Variants in SGIP1 observed in about 807,000 individuals in gnomAD.
The protein encoded by SGIP1 is SH3GL interacting endocytic adaptor 1.
In SGIP1, 38 loss-of-function variants were observed where a neutral mutation model predicts 107.5. That is an observed-to-expected ratio of 0.35 (90% confidence interval 0.27 to 0.46). The LOEUF (loss-of-function observed/expected upper bound fraction) is 0.46, where lower values mean the gene tolerates loss of function less well. SGIP1 is among the 20% of genes least tolerant of loss of function. SGIP1 has a pLI of 1.00. For missense variants in SGIP1, 929 were observed against 1,019.5 expected, an observed-to-expected ratio of 0.91 and a Z score of 1.21; for synonymous variants, 365 against 366.1, an observed-to-expected ratio of 1.00 and a Z score of 0.03.
rs77926245 is a variant in SGIP1 at position 66,729,536 on chromosome 1, A to T, written c.1898+117A>T. On this transcript the variant is annotated intron_variant, in intron 20 of 24. Transcript: ENST00000371037. ...CTATAGTGAAATTACCACCACTCAGATATATTTGTAGATTCAAGCACAGAA... is the reference window on the plus strand; with the variant it reads ...CTATAGTGAAATTACCACCACTCAGTTATATTTGTAGATTCAAGCACAGAA... The T allele has an allele frequency of 1.6e-3, 2,036 of 1,299,752 alleles. 37 individuals are homozygous for T. The African/African-American group carries it at 0.027, about 17-fold the overall frequency. 80.5% of individuals were successfully genotyped at this position (1,299,752 alleles called of 1,614,324 possible). A position where few individuals can be genotyped will look rare whatever the true frequency, so the allele number is the denominator to read the frequency against.
At chr1:66,706,788 C>A (rs1038755989) in intron 18 of SGIP1, among the ~76,000 whole-genome samples, 15 of 151,948 alleles carry the variant, frequency 9.9e-5, no homozygotes, top group African/African-American at 3.1e-4. Context: ...TGTGAGTCTG[C>A]GTGTGTGCAT....
intron 14 of SGIP1, 86 bp downstream of exon 14, chr1:66,679,838 T>G: frequency 8.3e-7 from 1 of 1,212,100 alleles, no homozygotes; most frequent in Non-Finnish European, 1.1e-6. Context: ...TGTTGAAAAC[T>G]GTAGGCTACA....
chr1:66,640,308 G>T (rs1212373915), intron 5 of SGIP1, among the ~76,000 whole-genome samples: 1 of 152,170 alleles, frequency 6.6e-6, no homozygotes. Flanking sequence ...TCAGTAACCT[G>T]CCTAGCCTGT....
chr1:66,590,029 C>T (rs41405244), intron 1 of SGIP1, among the ~76,000 whole-genome samples: 1 of 152,020 alleles, frequency 6.6e-6, no homozygotes, highest in Non-Finnish European at 1.5e-5. Context: ...CAGGATTAGA[C>T]TAAGACCTCA....
chr1:66,681,943 C>T lies in SGIP1; in HGVS notation c.889C>T (p.Pro297Ser). 1 of 1,614,166 alleles carries T rather than the reference C, an allele frequency of 6.2e-7. No individual in the cohort carries two copies. The highest frequency in any genetic ancestry group is 8.5e-7 in the Non-Finnish European group (1 of 1,180,030). ...CAATGACTTGGACAGCATTTTTGGG[C>T]CAGTATTGTCCCCCAAGTCTGTTGC... ...SINDLDSIFGPVLSPKSVAVN... is the reference protein window; with the variant it reads ...SINDLDSIFGSVLSPKSVAVN... Residue 297 changes from proline to serine, a missense_variant, in exon 15 of 25, where the codon CCA becomes TCA. Coordinates refer to ENST00000371037, the MANE Select transcript of SGIP1 (RefSeq NM_032291.4).
intron 8 of SGIP1, among the ~76,000 whole-genome samples, chr1:66,667,181 C>A (rs1457336054): frequency 6.7e-6 from 1 of 148,404 alleles, no homozygotes; most frequent in Non-Finnish European, 1.5e-5. Flanking sequence ...CTCTAAGTAC[C>A]CCCCCCCAAA....
intron 3 of SGIP1, 50 bp from the exon 4 acceptor site, chr1:66,635,894 C>A: frequency 6.4e-7 from 1 of 1,570,550 alleles, no homozygotes. Flanking sequence ...TCTTGAAGAA[C>A]AAGCAGATCT....
intron 21 of SGIP1, 94 bp downstream of exon 21, chr1:66,733,974 C>A: frequency 1.5e-6 from 2 of 1,336,742 alleles, no homozygotes; most frequent in Non-Finnish European, 2.0e-6. Flanking sequence ...AGTAACACTT[C>A]TTTTAACAGT....
At chr1:66,730,660 C>T (rs1236530728) in intron 20 of SGIP1, among the ~76,000 whole-genome samples, 1 of 152,184 alleles carries the variant, frequency 6.6e-6, no homozygotes, top group African/African-American at 2.4e-5. Context: ...GGTGGCTTCG[C>T]ATTACACCTG....
intron 14 of SGIP1, among the ~76,000 whole-genome samples, chr1:66,680,116 T>C (rs1481737293): frequency 6.6e-6 from 1 of 152,202 alleles, no homozygotes; most frequent in Admixed American, 6.5e-5. Flanking sequence ...CAAAGCACAG[T>C]TGGTATTTTT....
chr1:66,680,068 G>T (rs924328233), intron 14 of SGIP1, among the ~76,000 whole-genome samples: 3 of 152,086 alleles, frequency 2.0e-5, no homozygotes, highest in African/African-American at 7.2e-5. Context: ...CCCTCACTTC[G>T]TTGGATCTCG....
At chr1:66,719,207 C>T (rs2093401136) in intron 18 of SGIP1, 87 bp from the exon 19 acceptor site, 1 of 834,940 alleles carries the variant, frequency 1.2e-6, no homozygotes, top group Non-Finnish European at 1.9e-6. Context: ...AGATTTTATT[C>T]CTTAATCCTT....
chr1:66,542,724 G>A (rs1006036655), intron 1 of SGIP1, among the ~76,000 whole-genome samples: 1 of 152,164 alleles, frequency 6.6e-6, no homozygotes, highest in Non-Finnish European at 1.5e-5. Context: ...ACTGTTGACT[G>A]TGGGTAACTG....
At chr1:66,633,408 A>T (rs181026994) in intron 3 of SGIP1, among the ~76,000 whole-genome samples, 1 of 148,402 alleles carries the variant, frequency 6.7e-6, no homozygotes, top group East Asian at 1.9e-4. Context: ...TTAATGATGT[A>T]AAAGCTCATT....
intron 5 of SGIP1, among the ~76,000 whole-genome samples, chr1:66,640,554 A>T (rs1032151736): frequency 6.6e-6 from 1 of 152,160 alleles, no homozygotes; most frequent in South Asian, 2.1e-4. Context: ...CCCTGAAATG[A>T]GACAGTGCTT....
chr1:66,593,699 G>A (rs1352612906), intron 1 of SGIP1, among the ~76,000 whole-genome samples: 1 of 152,150 alleles, frequency 6.6e-6, no homozygotes, highest in Non-Finnish European at 1.5e-5. Flanking sequence ...TTGAGCCCAG[G>A]AAGTGGAGGC....
intron 18 of SGIP1, among the ~76,000 whole-genome samples, chr1:66,699,581 G>T (rs901612863): frequency 2.6e-5 from 4 of 152,150 alleles, no homozygotes; most frequent in Non-Finnish European, 5.9e-5. Context: ...CCCCTGGCAA[G>T]TCTCATTTCA....
intron 1 of SGIP1, among the ~76,000 whole-genome samples, chr1:66,556,326 C>G (rs139634344): frequency 6.6e-6 from 1 of 152,198 alleles, no homozygotes; most frequent in Non-Finnish European, 1.5e-5. Context: ...CTCTGAAATG[C>G]CACAAGGCTA....
chr1:66,697,163 T>TGAGA (rs1012028337), intron 18 of SGIP1, among the ~76,000 whole-genome samples: 21 of 151,654 alleles, frequency 1.4e-4, no homozygotes, highest in African/African-American at 4.1e-4. Context: ...GGACCTCTTT[T>TGAGA]GAGAGAGAGA....
Sources: allele counts gnomAD v4.1 joint callset (sites outside exome capture counted in the v4.1 genomes callset), GRCh38; gene constraint gnomAD v4.1.1; transcripts MANE v1.5; gene names NCBI Gene and HGNC (gene_info 2026-07-23, HGNC 2026-07-21).